The following FMO3 variants were observed in gnomAD, a reference collection of about 807,000 sequenced individuals.
FMO3 encodes flavin-containing monooxygenase 3.
In FMO3, 40 loss-of-function variants were observed where a neutral mutation model predicts 39.4. The observed-to-expected ratio is 1.02, with a 90% CI of 0.79 to 1.32. FMO3 has a LOEUF of 1.32. Among genes scored for constraint, FMO3 ranks in the 40% most tolerant of loss-of-function variants. FMO3 has a pLI of 0.00. For synonymous variants in FMO3, 219 were observed against 228.8 expected, an observed-to-expected ratio of 0.96 and a Z score of 0.39; for missense variants, 680 against 651.8, an observed-to-expected ratio of 1.04 and a Z score of -0.47.
At chr1:171,111,242 C>T (rs902047661) in intron 6 of FMO3, among the ~76,000 whole-genome samples, 9 of 152,086 alleles carry the variant, frequency 5.9e-5, no homozygotes, top group Admixed American at 2.6e-4. Flanking sequence ...CAAAGTTAAC[C>T]TCTTTTAAGC....
chr1:171,116,479 A>G (rs1273179151), intron 8 of FMO3, among the ~76,000 whole-genome samples, 199 bp downstream of exon 8: 2 of 152,214 alleles, frequency 1.3e-5, no homozygotes, highest in African/African-American at 4.8e-5. Flanking sequence ...TTTTTAGTAC[A>G]AGGCACAGAG....
intron 4 of FMO3, 47 bp downstream of exon 4, chr1:171,107,884 A>G (rs889637841): frequency 1.9e-6 from 3 of 1,565,880 alleles, no homozygotes; most frequent in Non-Finnish European, 2.6e-6. Flanking sequence ...ACAAAAATGA[A>G]TATCTTGATA....
intron 3 of FMO3, among the ~76,000 whole-genome samples, chr1:171,107,019 T>C (rs1035033911): frequency 3.3e-5 from 5 of 152,172 alleles, no homozygotes; most frequent in Non-Finnish European, 7.4e-5. Flanking sequence ...AAATAGTACA[T>C]AATAAAGTTC....
intron 2 of FMO3, among the ~76,000 whole-genome samples, chr1:171,094,992 A>C (rs1654886471): frequency 6.6e-6 from 1 of 152,142 alleles, no homozygotes; most frequent in Non-Finnish European, 1.5e-5. Context: ...ATTTTGTTAG[A>C]AATTGCATTA....
At chr1:171,093,469 T>C (rs1654807037) in intron 2 of FMO3, among the ~76,000 whole-genome samples, 1 of 150,508 alleles carries the variant, frequency 6.6e-6, no homozygotes. Flanking sequence ...CATTCTGTAT[T>C]CTCGCTGGGT....
chr1:171,095,011 G>T (rs2101895134), intron 2 of FMO3, among the ~76,000 whole-genome samples: 1 of 152,122 alleles, frequency 6.6e-6, no homozygotes, highest in Non-Finnish European at 1.5e-5. Flanking sequence ...TAAGTCTTTT[G>T]GGCATATGGT....
intron 2 of FMO3, among the ~76,000 whole-genome samples, chr1:171,094,657 G>A (rs1654868948): frequency 6.6e-6 from 1 of 152,002 alleles, no homozygotes; most frequent in Non-Finnish European, 1.5e-5. Context: ...TCTGCGTATG[G>A]CTATCTAATT....
chr1:171,103,040 G>T (rs150540909), intron 2 of FMO3, among the ~76,000 whole-genome samples: 2 of 152,036 alleles, frequency 1.3e-5, no homozygotes, highest in African/African-American at 4.8e-5. Context: ...TTACAAATCT[G>T]ATCAATAGTT....
At chr1:171,097,843 A>G (rs369656989) in intron 2 of FMO3, among the ~76,000 whole-genome samples, 10 of 151,932 alleles carry the variant, frequency 6.6e-5, no homozygotes, top group Admixed American at 3.3e-4. Flanking sequence ...TGCTTTTGGT[A>G]TTTTAGACAT....
intron 8 of FMO3, among the ~76,000 whole-genome samples, 154 bp from the exon 9 acceptor site, chr1:171,116,946 G>A (rs533280767): frequency 1.5e-4 from 23 of 152,198 alleles, no homozygotes; most frequent in Non-Finnish European, 2.6e-4. Context: ...ACAAGAAATT[G>A]ATGTTGTATG....
chr1:171,111,423 T>C (rs955967601), intron 6 of FMO3, among the ~76,000 whole-genome samples: 1 of 152,176 alleles, frequency 6.6e-6, no homozygotes, highest in African/African-American at 2.4e-5. Flanking sequence ...AGCCAGGAAG[T>C]AGAAGCAGCG....
At chr1:171,102,931 A>C (rs1006554956) in intron 2 of FMO3, among the ~76,000 whole-genome samples, 1 of 152,242 alleles carries the variant, frequency 6.6e-6, no homozygotes, top group Non-Finnish European at 1.5e-5. Flanking sequence ...TGCAATGCCC[A>C]TAAATTCTGT....
At chr1:171,114,797 A>C (rs1174368007) in intron 7 of FMO3, among the ~76,000 whole-genome samples, 1 of 152,246 alleles carries the variant, frequency 6.6e-6, no homozygotes, top group East Asian at 1.9e-4. Flanking sequence ...GGAAAATATG[A>C]TTGCTGGAAG....
chr1:171,098,506 A>G (rs1655209311), intron 2 of FMO3, among the ~76,000 whole-genome samples: 2 of 152,122 alleles, frequency 1.3e-5, no homozygotes, highest in Admixed American at 6.5e-5. Flanking sequence ...GGTCTTTCAC[A>G]TCCCTTGTAA....
chr1:171,095,852 AT>A (rs371906542), intron 2 of FMO3, among the ~76,000 whole-genome samples: 1 of 110,570 alleles, frequency 9.0e-6, no homozygotes, highest in Non-Finnish European at 1.8e-5. Flanking sequence ...ATATAATTAT[AT>A]ATATAATATA....
At chr1:171,109,625 C>G (rs552663641) in intron 5 of FMO3, among the ~76,000 whole-genome samples, 1 of 146,794 alleles carries the variant, frequency 6.8e-6, no homozygotes, top group South Asian at 2.2e-4. Context: ...ACCTCCGTCT[C>G]CCAGGTTCAA....
chr1:171,101,683 T>C, intron 2 of FMO3: 1 of 491,248 alleles, frequency 2.0e-6, no homozygotes, highest in Non-Finnish European at 4.2e-6. Context: ...AACCCTGATC[T>C]AGAGCCACGA....
intron 7 of FMO3, among the ~76,000 whole-genome samples, chr1:171,114,652 C>A (rs991072456): frequency 6.6e-6 from 1 of 152,154 alleles, no homozygotes; most frequent in Non-Finnish European, 1.5e-5. Context: ...AAGCTCACAT[C>A]CACTTAAGAC....
intron 2 of FMO3, among the ~76,000 whole-genome samples, chr1:171,096,186 A>AATATATATTTAT (rs548547436): frequency 3.4e-5 from 3 of 87,600 alleles, no homozygotes; most frequent in African/African-American, 4.7e-5. Flanking sequence ...ATAATATATT[A>AATATATATTTAT]ATATATATTT....
Sources: allele counts gnomAD v4.1 joint callset (sites outside exome capture counted in the v4.1 genomes callset), GRCh38; gene constraint gnomAD v4.1.1; transcripts MANE v1.5; gene names NCBI Gene and HGNC (gene_info 2026-07-23, HGNC 2026-07-21).